The following KCNH7 variants were observed in gnomAD, a reference collection of about 807,000 sequenced individuals.
KCNH7 encodes voltage-gated inwardly rectifying potassium channel KCNH7.
Under a neutral mutation model 120.8 loss-of-function variants are expected in KCNH7, and 49 were observed. That is an observed-to-expected ratio of 0.41 (90% CI 0.32 to 0.51). The LOEUF is 0.51. Among genes scored for constraint, KCNH7 ranks in the 20% least tolerant of loss-of-function variants. The pLI is 0.38. For missense variants in KCNH7, 1,097 were observed against 1,446.6 expected, an observed-to-expected ratio of 0.76 and a Z score of 3.92; for synonymous variants, 547 against 516.1, an observed-to-expected ratio of 1.06 and a Z score of -0.81.
At chr2:162,475,752 G>GC (rs1689716073) in intron 6 of KCNH7, among the ~76,000 whole-genome samples, 1 of 152,142 alleles carries the variant, frequency 6.6e-6, no homozygotes, top group Admixed American at 6.5e-5. Flanking sequence ...CCACCCACCA[G>GC]CAGTGTGTAC....
chr2:162,666,841 A>T (rs1380270661), intron 2 of KCNH7, among the ~76,000 whole-genome samples: 1 of 151,948 alleles, frequency 6.6e-6, no homozygotes, highest in African/African-American at 2.4e-5. Flanking sequence ...CTGGCCTTTT[A>T]GTTCCTCTGG....
At chr2:162,756,033 G>C (rs1286320501) in intron 2 of KCNH7, among the ~76,000 whole-genome samples, 2 of 151,832 alleles carry the variant, frequency 1.3e-5, no homozygotes, top group Non-Finnish European at 2.9e-5. Flanking sequence ...ACATTTCAAG[G>C]GTTCTACTCT....
chr2:162,534,386 A>G (rs147253786), intron 3 of KCNH7, among the ~76,000 whole-genome samples: 89 of 151,658 alleles, frequency 5.9e-4, no homozygotes, highest in African/African-American at 2.0e-3. Context: ...TAAATGGAGA[A>G]AACAATAATA....
chr2:162,588,662 T>C (rs1412957953), intron 2 of KCNH7, among the ~76,000 whole-genome samples: 2 of 152,116 alleles, frequency 1.3e-5, no homozygotes, highest in Non-Finnish European at 2.9e-5. Context: ...TTTTGATAAA[T>C]ATAATGTATA....
At chr2:162,753,012 A>G (rs1688651236) in intron 2 of KCNH7, among the ~76,000 whole-genome samples, 2 of 148,420 alleles carry the variant, frequency 1.3e-5, no homozygotes, top group Admixed American at 1.4e-4. Context: ...AGAAAAGAAA[A>G]GAAAAGAAAA....
intron 2 of KCNH7, among the ~76,000 whole-genome samples, chr2:162,718,827 CT>C (rs1389246866): frequency 1.3e-5 from 2 of 151,850 alleles, no homozygotes; most frequent in African/African-American, 4.8e-5. Flanking sequence ...ATATGGATAC[CT>C]TTTTAGTTGC....
At position 162,756,338 on chromosome 2, in the gene KCNH7, T is replaced by C. The variant is rs554434501; in HGVS notation, c.307+80199A>G. ...AACTCTACTAATGGAATGGCTGCTA[T>C]ACCCAGGACCTAGGACAAATTCTGC... On this transcript the variant is annotated intron_variant, in intron 2 of 15. Coordinates refer to ENST00000332142, the MANE Select transcript of KCNH7 (RefSeq NM_033272.4). Among the ~76,000 whole-genome samples, 43 of 152,304 alleles carry C rather than the reference T, an allele frequency of 2.8e-4. No individual in the cohort carries two copies. In the South Asian group the frequency reaches 8.3e-3, roughly 29 times the overall value.
intron 2 of KCNH7, among the ~76,000 whole-genome samples, chr2:162,737,400 C>T (rs547583897): frequency 1.3e-5 from 2 of 152,112 alleles, no homozygotes; most frequent in South Asian, 4.1e-4. Flanking sequence ...GACATGGAGA[C>T]CAAGGCAGAG....
intron 14 of KCNH7, among the ~76,000 whole-genome samples, chr2:162,374,973 T>C (rs1274641503): frequency 2.6e-5 from 4 of 152,216 alleles, no homozygotes; most frequent in African/African-American, 9.6e-5. Context: ...CTAATTTTTA[T>C]GCTTCCAACT....
chr2:162,586,524 T>A (rs1001563658), intron 2 of KCNH7, among the ~76,000 whole-genome samples: 1 of 152,056 alleles, frequency 6.6e-6, no homozygotes, highest in African/African-American at 2.4e-5. Flanking sequence ...CAGCCAGGGT[T>A]ACCCAGCTGA....
chr2:162,769,880 A>T (rs1682975164), intron 2 of KCNH7, among the ~76,000 whole-genome samples: 1 of 152,156 alleles, frequency 6.6e-6, no homozygotes, highest in South Asian at 2.1e-4. Flanking sequence ...CAGAAGGCAC[A>T]GCTGTCCTTA....
At chr2:162,784,681 A>C (rs1207871272) in intron 2 of KCNH7, 1 of 152,138 alleles carries the variant, frequency 6.6e-6, no homozygotes, top group Non-Finnish European at 1.5e-5. Context: ...TGTCTCTCTG[A>C]GTTTCATTGT....
chr2:162,667,673 A>G (rs1685189602), intron 2 of KCNH7, among the ~76,000 whole-genome samples: 1 of 152,066 alleles, frequency 6.6e-6, no homozygotes, highest in African/African-American at 2.4e-5. Context: ...TAATATTTTA[A>G]TTCTTCAGAT....
At chr2:162,433,220 A>G (rs1056654782) in intron 8 of KCNH7, among the ~76,000 whole-genome samples, 1 of 152,122 alleles carries the variant, frequency 6.6e-6, no homozygotes, top group Admixed American at 6.6e-5. Context: ...CAATTTACAG[A>G]TTCAATGCTA....
chr2:162,801,168 A>T (rs1684332597), intron 2 of KCNH7, among the ~76,000 whole-genome samples: 2 of 151,778 alleles, frequency 1.3e-5, no homozygotes, highest in African/African-American at 4.8e-5. Context: ...AAACAAGTGC[A>T]TATTTGATAA....
intron 2 of KCNH7, among the ~76,000 whole-genome samples, chr2:162,637,570 TTAA>T (rs1185390548): frequency 2.0e-5 from 3 of 152,116 alleles, no homozygotes; most frequent in Admixed American, 6.6e-5. Flanking sequence ...TACTGTATAC[TTAA>T]TAATGCTGAG....
chr2:162,383,925 T>A (rs1313017307), intron 13 of KCNH7, among the ~76,000 whole-genome samples: 1 of 151,758 alleles, frequency 6.6e-6, no homozygotes, highest in Non-Finnish European at 1.5e-5. Flanking sequence ...CCCAAAGACA[T>A]AAAGGGAGCA....
intron 2 of KCNH7, among the ~76,000 whole-genome samples, chr2:162,596,029 T>C (rs111398485): frequency 1.3e-4 from 20 of 152,082 alleles, no homozygotes; most frequent in African/African-American, 4.3e-4. Context: ...CTGAAAACTA[T>C]AAAAATAAAT....
chr2:162,524,699 G>T (rs1433416474), intron 3 of KCNH7, among the ~76,000 whole-genome samples: 1 of 151,920 alleles, frequency 6.6e-6, no homozygotes, highest in African/African-American at 2.4e-5. Context: ...AGAGAAACAC[G>T]ACTTTTACTC....
Sources: allele counts gnomAD v4.1 joint callset (sites outside exome capture counted in the v4.1 genomes callset), GRCh38; gene constraint gnomAD v4.1.1; transcripts MANE v1.5; gene names NCBI Gene and HGNC (gene_info 2026-07-23, HGNC 2026-07-21).